Variants in RCAN3 observed in about 807,000 individuals in gnomAD.
RCAN3 encodes the protein calcipressin-3.
RCAN3 carries 19 observed loss-of-function variants against 21.9 expected under a neutral mutation model. That is an observed-to-expected ratio of 0.87 (90% CI 0.61 to 1.27). RCAN3 has a LOEUF of 1.27. Ranked by LOEUF, RCAN3 falls within the 50% of genes most tolerant of loss-of-function variation. RCAN3 has a pLI of 0.00. For synonymous variants in RCAN3, 114 were observed against 112.3 expected (o/e 1.01, Z -0.09); for missense variants, 240 against 300.1 (o/e 0.80, Z 1.48).
intron 2 of RCAN3, among the ~76,000 whole-genome samples, chr1:24,524,804 A>G (rs1234788592): frequency 7.1e-6 from 1 of 140,938 alleles, no homozygotes; most frequent in Non-Finnish European, 1.5e-5. Context: ...CGTTCCTCCT[A>G]CTCTGTTTAT....
Position 24,536,697 on chromosome 1 carries a change from A to G in RCAN3, c.*1420A>G, listed in dbSNP as rs764747043. On this transcript the variant is annotated 3_prime_UTR_variant, in exon 5 of 5. Transcript: ENST00000374395. ...AAGGCGGCTGCCACCAGGAAGGAAC[A>G]GAACGCAGGCATTCAACCATGACGT... 2 of 152,220 alleles carry G rather than the reference A, an allele frequency of 1.3e-5. No homozygotes were observed. Among genetic ancestry groups the G allele is most frequent in the East Asian group, 1.9e-4 (1 of 5,200 alleles). The allele number at this position is 152,220 out of a possible 1,614,324, so 9.4% of individuals were successfully genotyped here.
intron 1 of RCAN3, among the ~76,000 whole-genome samples, chr1:24,513,162 G>A (rs1302024024): frequency 1.3e-5 from 2 of 152,158 alleles, no homozygotes; most frequent in African/African-American, 4.8e-5. Context: ...GTGTGAACCC[G>A]GGAGGCGGAG....
intron 2 of RCAN3, among the ~76,000 whole-genome samples, chr1:24,524,185 G>A (rs894711248): frequency 9.2e-5 from 14 of 152,208 alleles, no homozygotes; most frequent in Middle Eastern, 3.4e-3. Context: ...AGCCAAGATC[G>A]CGCCACTTCA....
chr1:24,504,046 G>A (rs1349796439), intron 1 of RCAN3, among the ~76,000 whole-genome samples: 1 of 152,198 alleles, frequency 6.6e-6, no homozygotes, highest in Non-Finnish European at 1.5e-5. Flanking sequence ...GTTCTTTTTG[G>A]TGGGGATTTA....
Position 24,536,605 on chromosome 1 carries a change from T to A in RCAN3, c.*1328T>A, listed in dbSNP as rs1350916586. The A allele has an allele frequency of 5.3e-5, 8 of 152,228 alleles. No individual in the cohort carries two copies. The highest frequency in any genetic ancestry group is 1.2e-4 in the Non-Finnish European group (8 of 68,070). 9.4% of individuals were successfully genotyped at this position (152,228 alleles called of 1,614,324 possible). On this transcript the variant is annotated 3_prime_UTR_variant, in exon 5 of 5. Transcript: ENST00000374395. Reference sequence around the variant, plus strand: ...GGCCTCCACTCACTGTGCTGTTTCCTTTGAGTGGCACACTTGGGAAGCTCC... The same window carrying A: ...GGCCTCCACTCACTGTGCTGTTTCCATTGAGTGGCACACTTGGGAAGCTCC...
intron 2 of RCAN3, among the ~76,000 whole-genome samples, chr1:24,517,497 G>A (rs1648437713): frequency 6.6e-6 from 1 of 152,046 alleles, no homozygotes; most frequent in Admixed American, 6.6e-5. Flanking sequence ...TCCTTGTTGG[G>A]TTTCATTTTT....
At chr1:24,529,794 G>A (rs1016869651) in intron 2 of RCAN3, among the ~76,000 whole-genome samples, 2 of 150,888 alleles carry the variant, frequency 1.3e-5, no homozygotes, top group Admixed American at 6.6e-5. Context: ...CAAGTGATCC[G>A]CCTACCTCAG....
rs1445391745 is a variant in RCAN3 at position 24,531,413 on chromosome 1, A to G, written c.369+22A>G. On this transcript the variant is annotated intron_variant, in intron 3 of 4. Coordinates refer to ENST00000374395, the MANE Select transcript of RCAN3 (RefSeq NM_013441.4). The stretch of plus-strand genomic sequence containing the variant: ...ACAGGTACTTCACCGTGCAGAGAAC[A>G]CTGTTCTCTAAACTTGTTTTTCTCC... The G allele has an allele frequency of 2.0e-6, 3 of 1,530,448 alleles. 1 individual carries two copies. The South Asian group carries it at 3.8e-5, about 20-fold the overall frequency. 94.8% of individuals were successfully genotyped at this position (1,530,448 alleles called of 1,614,324 possible).
At chr1:24,512,428 G>A (rs375948778) in intron 1 of RCAN3, among the ~76,000 whole-genome samples, 50 of 152,212 alleles carry the variant, frequency 3.3e-4, no homozygotes, top group African/African-American at 1.0e-3. Context: ...CATTGTTGAA[G>A]AGGAGAAATG....
Position 24,536,345 on chromosome 1 carries a change from G to A in RCAN3, c.*1068G>A, listed in dbSNP as rs141147116. 2 of 151,838 alleles carry A rather than the reference G, an allele frequency of 1.3e-5. No individual in the cohort carries two copies. The highest frequency in any genetic ancestry group is 3.9e-4 in the East Asian group (2 of 5,186). 9.4% of individuals were successfully genotyped at this position (151,838 alleles called of 1,614,324 possible). A position where few individuals can be genotyped will look rare whatever the true frequency, so the allele number is the denominator to read the frequency against. ...ATTTTTCTATGAATTAGGGAATGAGGGGGAGATCATTCAGTTTTACTTTTC... is the reference window on the plus strand; with the variant it reads ...ATTTTTCTATGAATTAGGGAATGAGAGGGAGATCATTCAGTTTTACTTTTC... On this transcript the variant is annotated 3_prime_UTR_variant, in exon 5 of 5. Transcript: ENST00000374395.
At chr1:24,504,159 G>GCAAGCCTTGC in intron 1 of RCAN3, among the ~76,000 whole-genome samples, 1 of 152,270 alleles carries the variant, frequency 6.6e-6, no homozygotes, top group African/African-American at 2.4e-5. Flanking sequence ...TACTGCATTG[G>GCAAGCCTTGC]CAAGCCTTGC....
chr1:24,508,828 T>A (rs1647662857), intron 1 of RCAN3, among the ~76,000 whole-genome samples: 1 of 152,160 alleles, frequency 6.6e-6, no homozygotes, highest in Non-Finnish European at 1.5e-5. Context: ...CTTAAAAAAA[T>A]TTATAGACCT....
chr1:24,527,703 G>T (rs1031980666), intron 2 of RCAN3, among the ~76,000 whole-genome samples: 2 of 152,120 alleles, frequency 1.3e-5, no homozygotes, highest in African/African-American at 4.8e-5. Context: ...TAATTTATAG[G>T]TTCCTTTTAT....
At chr1:24,530,356 C>CAAAAAAAAAA (rs56914359) in intron 2 of RCAN3, among the ~76,000 whole-genome samples, 1,072 of 81,470 alleles carry the variant, frequency 0.013, 62 homozygotes, top group Non-Finnish European at 0.019. Flanking sequence ...CTCTTATCTC[C>CAAAAAAAAAA]AAAAAAAAAA....
At chr1:24,516,618 A>T (rs891979047) in intron 2 of RCAN3, among the ~76,000 whole-genome samples, 2 of 152,230 alleles carry the variant, frequency 1.3e-5, no homozygotes, top group African/African-American at 4.8e-5. Context: ...GCAAAATCTC[A>T]TGAACATCTA....
rs1373360430 is a variant in RCAN3 at position 24,540,972 on chromosome 1, C to T, written c.*5695C>T. Reference sequence around the variant, plus strand: ...GAATGTAATTTTTTTTTGGAAGCTTCGTGATTACCTGTAACAAGTTCTGTT... The same window carrying T: ...GAATGTAATTTTTTTTTGGAAGCTTTGTGATTACCTGTAACAAGTTCTGTT... On this transcript the variant is annotated 3_prime_UTR_variant, in exon 5 of 5. Coordinates refer to ENST00000374395, the MANE Select transcript of RCAN3 (RefSeq NM_013441.4). 4 of 152,074 alleles carry T rather than the reference C, an allele frequency of 2.6e-5. No individual in the cohort carries two copies. Among genetic ancestry groups the T allele is most frequent in the Admixed American group, 2.0e-4 (3 of 15,270 alleles). 9.4% of individuals were successfully genotyped at this position (152,074 alleles called of 1,614,324 possible).
At chr1:24,529,808 C>T (rs1649601970) in intron 2 of RCAN3, among the ~76,000 whole-genome samples, 1 of 151,332 alleles carries the variant, frequency 6.6e-6, no homozygotes, top group African/African-American at 2.4e-5. Context: ...ACCTCAGCCT[C>T]CCAAAGTGCT....
At position 24,540,941 on chromosome 1, in the gene RCAN3, A is replaced by G. The variant is rs1650455696; in HGVS notation, c.*5664A>G. 1 of 152,238 alleles carries G rather than the reference A, an allele frequency of 6.6e-6. No homozygotes were observed. The highest frequency in any genetic ancestry group is 1.5e-5 in the Non-Finnish European group (1 of 68,042). The allele number at this position is 152,238 out of a possible 1,614,324, so 9.4% of individuals were successfully genotyped here. On this transcript the variant is annotated 3_prime_UTR_variant, in exon 5 of 5. Transcript: ENST00000374395. ...CATTCCTTGTCCTATCAAGATGACA[A>G]AAGCAGAATGTAATTTTTTTTTGGA... is the stretch of plus-strand genomic sequence containing the variant.
At chr1:24,503,505 G>A (rs1035955714) in intron 1 of RCAN3, among the ~76,000 whole-genome samples, 10 of 152,152 alleles carry the variant, frequency 6.6e-5, no homozygotes, top group African/African-American at 2.4e-4. Flanking sequence ...AGCGGTGTAG[G>A]GGCGCCTGGA....
Sources: allele counts gnomAD v4.1 joint callset (sites outside exome capture counted in the v4.1 genomes callset), GRCh38; gene constraint gnomAD v4.1.1; transcripts MANE v1.5; gene names NCBI Gene and HGNC (gene_info 2026-07-23, HGNC 2026-07-21).